The following PRKN variants were observed in gnomAD, a reference collection of about 807,000 sequenced individuals.
PRKN encodes the protein E3 ubiquitin-protein ligase parkin.
In PRKN, 56 loss-of-function variants were observed where a neutral mutation model predicts 59.5. The ratio of observed to expected loss-of-function variants is 0.94; its 90% confidence interval spans 0.76 to 1.18. The LOEUF is 1.18. PRKN is among the 50% of genes most tolerant of loss of function. The pLI, the probability that PRKN is intolerant of heterozygous loss-of-function variation, is 0.00. For missense variants in PRKN, 657 were observed against 596.4 expected, an observed-to-expected ratio of 1.10 and a Z score of -1.06; for synonymous variants, 250 against 222.1, an observed-to-expected ratio of 1.13 and a Z score of -1.12.
At chr6:162,619,713 C>T (rs1462028948) in intron 1 of PRKN, among the ~76,000 whole-genome samples, 1 of 15,120 alleles carries the variant, frequency 6.6e-5, no homozygotes, top group East Asian at 1.4e-3. Flanking sequence ...TTTCCACTCA[C>T]ACACACACAC....
chr6:162,549,449 C>T (rs931557543), intron 1 of PRKN, among the ~76,000 whole-genome samples: 4 of 152,032 alleles, frequency 2.6e-5, no homozygotes, highest in African/African-American at 4.8e-5. Context: ...ACAGCACCCT[C>T]GACATGTTAT....
chr6:161,788,464 C>T (rs184522353), intron 6 of PRKN, among the ~76,000 whole-genome samples: 8 of 152,300 alleles, frequency 5.3e-5, no homozygotes. Flanking sequence ...GCGGTGGGTC[C>T]AGAGTTTTGG....
chr6:161,449,719 G>A (rs1219487568), intron 9 of PRKN, among the ~76,000 whole-genome samples: 1 of 152,152 alleles, frequency 6.6e-6, no homozygotes, highest in Non-Finnish European at 1.5e-5. Flanking sequence ...GGTGGGTGTT[G>A]GACTGAGTCA....
intron 9 of PRKN, among the ~76,000 whole-genome samples, chr6:161,535,763 C>T (rs1179160534): frequency 6.6e-6 from 1 of 152,130 alleles, no homozygotes. Flanking sequence ...CCACCTTGCA[C>T]CATGTAGATG....
intron 6 of PRKN, among the ~76,000 whole-genome samples, chr6:161,789,906 T>C (rs768382543): frequency 6.6e-6 from 1 of 150,430 alleles, no homozygotes; most frequent in Non-Finnish European, 1.5e-5. Flanking sequence ...CTCATTTACA[T>C]GTTGTTCACT....
At chr6:162,328,076 C>A (rs1437650146) in intron 2 of PRKN, among the ~76,000 whole-genome samples, 2 of 110,588 alleles carry the variant, frequency 1.8e-5, no homozygotes, top group Non-Finnish European at 4.1e-5. Context: ...AACAGCACCA[C>A]TAGGTCGGGT....
At chr6:162,260,582 C>A (rs2128099410) in intron 3 of PRKN, among the ~76,000 whole-genome samples, 1 of 152,104 alleles carries the variant, frequency 6.6e-6, no homozygotes, top group African/African-American at 2.4e-5. Context: ...AGTTCATTCT[C>A]ATAAAAGAAA....
chr6:162,488,044 T>TA (rs2128184122), intron 1 of PRKN, among the ~76,000 whole-genome samples: 1 of 150,826 alleles, frequency 6.6e-6, no homozygotes, highest in African/African-American at 2.4e-5. Context: ...TTTTTTTTTT[T>TA]TTTTTTTTGG....
At chr6:161,827,436 G>A (rs1033911409) in intron 6 of PRKN, among the ~76,000 whole-genome samples, 11 of 151,158 alleles carry the variant, frequency 7.3e-5, no homozygotes, top group African/African-American at 2.4e-4. Context: ...CTGTGGCATT[G>A]AATTTTTAAA....
At chr6:162,077,166 A>C (rs1778862520) in intron 4 of PRKN, among the ~76,000 whole-genome samples, 2 of 152,130 alleles carry the variant, frequency 1.3e-5, no homozygotes, top group South Asian at 4.1e-4. Flanking sequence ...CAAAAGATGG[A>C]AGGATACAGT....
chr6:161,946,069 T>C (rs1452145260), intron 6 of PRKN, among the ~76,000 whole-genome samples: 1 of 152,150 alleles, frequency 6.6e-6, no homozygotes, highest in Non-Finnish European at 1.5e-5. Context: ...TTAATAAATA[T>C]TTTTTAACTA....
At position 161,739,471 on chromosome 6, in the gene PRKN, T is replaced by C. The variant is rs144236851; in HGVS notation, c.871+46301A>G. Among the ~76,000 whole-genome samples the C allele has an allele frequency of 4.1e-4, 63 of 152,270 alleles. 1 individual carries two copies. In the East Asian group the frequency reaches 9.9e-3, roughly 24 times the overall value. On this transcript the variant is annotated intron_variant, in intron 7 of 11. Coordinates refer to ENST00000366898, the MANE Select transcript of PRKN (RefSeq NM_004562.3). Reference sequence around the variant, plus strand: ...CACTATTTTAAGTGCCTTTTATTCATAAAATTTAAAAAACGTATTTGCAAT... The same window carrying C: ...CACTATTTTAAGTGCCTTTTATTCACAAAATTTAAAAAACGTATTTGCAAT...
Position 161,916,951 on chromosome 6 carries a change from G to A in PRKN, c.734+56351C>T, listed in dbSNP as rs185408598. Among the ~76,000 whole-genome samples the A allele has an allele frequency of 1.9e-3, 284 of 152,094 alleles. 1 individual carries two copies. The highest frequency in any genetic ancestry group is 6.6e-3 in the African/African-American group (274 of 41,490). ...CGAGTAGCTGGGACTACAGGCGCCC[G>A]CCACCATGCCCGGCTAAATGTTTTG... On this transcript the variant is annotated intron_variant, in intron 6 of 11. Coordinates refer to ENST00000366898, the MANE Select transcript of PRKN (RefSeq NM_004562.3).
chr6:161,772,450 A>T lies in PRKN; in HGVS notation c.871+13322T>A, dbSNP rs112189541. Among the ~76,000 whole-genome samples the T allele has an allele frequency of 1.5e-3, 231 of 152,274 alleles. 6 individuals are homozygous for T. Among genetic ancestry groups the T allele is most frequent in the African/African-American group, 5.3e-3 (221 of 41,558 alleles). ...AGTCAGCTTCGTTTAGGTGATTCTC[A>T]GCAATCGACATGTTCTGATATAGGC... On this transcript the variant is annotated intron_variant, in intron 7 of 11. Transcript: ENST00000366898.
intron 2 of PRKN, among the ~76,000 whole-genome samples, chr6:162,326,145 T>C (rs966516710): frequency 6.6e-6 from 1 of 152,178 alleles, no homozygotes; most frequent in African/African-American, 2.4e-5. Context: ...AAAAGGAAGC[T>C]TGCATCCTTT....
Position 162,151,163 on chromosome 6 carries a change from T to A in PRKN, c.534+49968A>T, listed in dbSNP as rs117825317. 1.3e-3 allele frequency among the ~76,000 whole-genome samples: 196 copies of A among 152,256 alleles called. 2 individuals are homozygous for A. In the East Asian group the frequency reaches 0.034, roughly 26 times the overall value. ...ATTCAGCAGATGACCTGAAATTTCC[T>A]CTGTCTTGAATTTTCAAGAAACAGA... On this transcript the variant is annotated intron_variant, in intron 4 of 11. Coordinates refer to ENST00000366898, the MANE Select transcript of PRKN (RefSeq NM_004562.3).
At chr6:162,132,572 A>T (rs1781407995) in intron 4 of PRKN, among the ~76,000 whole-genome samples, 1 of 152,172 alleles carries the variant, frequency 6.6e-6, no homozygotes, top group Non-Finnish European at 1.5e-5. Context: ...GTTGAAATGT[A>T]CTGGAATAAT....
At position 161,409,185 on chromosome 6, in the gene PRKN, C is replaced by T. The variant is rs537920582; in HGVS notation, c.1084-22308G>A. Among the ~76,000 whole-genome samples the T allele has an allele frequency of 6.6e-6, 1 of 152,114 alleles. No homozygotes were observed. The highest frequency in any genetic ancestry group is 2.4e-5 in the African/African-American group (1 of 41,408). ...GGTCTCGAACTCCTGACCTTGTGAT[C>T]CACCCGCACTGGACTCCCAAACTGC... On this transcript the variant is annotated intron_variant, in intron 9 of 11. Coordinates refer to ENST00000366898, the MANE Select transcript of PRKN (RefSeq NM_004562.3). The surrounding 1 kb of genome is among the most constrained non-coding windows in gnomAD (Gnocchi z 4.6).
chr6:161,761,064 T>G (rs1222804152), intron 7 of PRKN, among the ~76,000 whole-genome samples: 1 of 152,214 alleles, frequency 6.6e-6, no homozygotes, highest in East Asian at 1.9e-4. Flanking sequence ...AATTTTATGG[T>G]TTAAACAGAT....
Sources: allele counts gnomAD v4.1 joint callset (sites outside exome capture counted in the v4.1 genomes callset), GRCh38; gene constraint gnomAD v4.1.1; non-coding constraint Gnocchi (gnomAD v3.1); transcripts MANE v1.5; gene names NCBI Gene and HGNC (gene_info 2026-07-23, HGNC 2026-07-21).